Variants in AGPAT5 observed in about 807,000 individuals in gnomAD.
The protein encoded by AGPAT5 is 1-acylglycerol-3-phosphate O-acyltransferase 5, also known as 1-acyl-sn-glycerol-3-phosphate acyltransferase epsilon.
A neutral mutation model predicts 45.6 loss-of-function variants in AGPAT5; 46 were observed. That is an observed-to-expected ratio of 1.01 (90% confidence interval 0.80 to 1.29). The LOEUF (loss-of-function observed/expected upper bound fraction) is 1.29. Among genes scored for constraint, AGPAT5 ranks in the 50% most tolerant of loss-of-function variants. The probability of loss-of-function intolerance (pLI) is 0.00; values close to 1 mark genes in which losing one functional copy is unlikely to be tolerated. For synonymous variants in AGPAT5, 272 were observed against 167.0 expected (o/e 1.63, Z -4.85); for missense variants, 673 against 450.7 (o/e 1.49, Z -4.47).
intron 4 of AGPAT5, among the ~76,000 whole-genome samples, chr8:6,733,036 A>C (rs1050799981): frequency 6.6e-5 from 10 of 152,248 alleles, no homozygotes; most frequent in Admixed American, 6.5e-4. Flanking sequence ...CTGTTAGTGC[A>C]AATTTTGAAT....
intron 6 of AGPAT5, among the ~76,000 whole-genome samples, chr8:6,753,804 G>A (rs1437541261): frequency 2.0e-5 from 3 of 152,222 alleles, no homozygotes; most frequent in Non-Finnish European, 4.4e-5. Flanking sequence ...TTTTGCACAT[G>A]TATTATTAAA....
At chr8:6,710,361 C>T (rs937057102) in intron 1 of AGPAT5, among the ~76,000 whole-genome samples, 1 of 152,050 alleles carries the variant, frequency 6.6e-6, no homozygotes, top group Non-Finnish European at 1.5e-5. Context: ...CTAATCATTC[C>T]CCCCACCGTC....
intron 1 of AGPAT5, among the ~76,000 whole-genome samples, chr8:6,712,696 C>T (rs780200612): frequency 1.3e-5 from 2 of 152,112 alleles, no homozygotes; most frequent in Non-Finnish European, 2.9e-5. Context: ...CGTGAGTTAA[C>T]GTGAAACTAG....
chr8:6,727,347 T>G (rs1800722132), intron 2 of AGPAT5, among the ~76,000 whole-genome samples: 1 of 152,082 alleles, frequency 6.6e-6, no homozygotes, highest in Non-Finnish European at 1.5e-5. Context: ...TGTTATTTCT[T>G]CCCCTTATCC....
At chr8:6,713,199 G>T (rs1800211318) in intron 1 of AGPAT5, among the ~76,000 whole-genome samples, 1 of 152,100 alleles carries the variant, frequency 6.6e-6, no homozygotes, top group Non-Finnish European at 1.5e-5. Context: ...TGAATTCCTG[G>T]CCTCAGGTGA....
rs1170135745 is a variant in AGPAT5 at position 6,708,743 on chromosome 8, G to C, written c.75G>C (p.Ala25=). The C allele has an allele frequency of 6.2e-7, 1 of 1,607,744 alleles. No homozygotes were observed. The highest frequency in any genetic ancestry group is 1.3e-5 in the African/African-American group (1 of 75,016). The change falls in exon 1 of 8, where the codon GCG becomes GCC. Residue 25 remains alanine, a synonymous_variant. Transcript: ENST00000285518. The part of the protein sequence containing the change: ...LLPSVVLLGT[A]PTYVLAWGVW... ...CCAGCGTCGTGCTCCTGGGCACGGCGCCCACCTACGTGTTGGCCTGGGGGG... is the reference window on the plus strand; with the variant it reads ...CCAGCGTCGTGCTCCTGGGCACGGCCCCCACCTACGTGTTGGCCTGGGGGG...
intron 1 of AGPAT5, among the ~76,000 whole-genome samples, chr8:6,715,880 G>A (rs1364552183): frequency 2.0e-5 from 3 of 152,182 alleles, no homozygotes; most frequent in Non-Finnish European, 4.4e-5. Flanking sequence ...AACATGGAAT[G>A]TTTAGGGAAA....
At chr8:6,738,139 T>C (rs562814041) in intron 4 of AGPAT5, among the ~76,000 whole-genome samples, 3 of 152,246 alleles carry the variant, frequency 2.0e-5, no homozygotes, top group Admixed American at 2.0e-4. Flanking sequence ...GCAACTTGGC[T>C]GTTTAGTGGA....
chr8:6,749,833 TC>T (rs1218926531), intron 6 of AGPAT5, among the ~76,000 whole-genome samples: 2 of 152,198 alleles, frequency 1.3e-5, no homozygotes, highest in Non-Finnish European at 2.9e-5. Context: ...TTTTATCATG[TC>T]CCCTCCTGTC....
chr8:6,745,579 G>A (rs1801415080), intron 5 of AGPAT5, among the ~76,000 whole-genome samples: 2 of 152,144 alleles, frequency 1.3e-5, no homozygotes, highest in African/African-American at 4.8e-5. Flanking sequence ...ATAAACAATG[G>A]AGTATAATTT....
chr8:6,708,915 G>T, intron 1 of AGPAT5, 28 bp downstream of exon 1: 1 of 1,583,756 alleles, frequency 6.3e-7, no homozygotes. Flanking sequence ...CCCGGGTCTC[G>T]GCGTCCACCC....
chr8:6,738,298 C>G (rs549878756), intron 4 of AGPAT5: 1 of 152,152 alleles, frequency 6.6e-6, no homozygotes, highest in Admixed American at 6.5e-5. Flanking sequence ...GGCCTAATTT[C>G]AATATTGTTG....
chr8:6,708,649 G>C lies in AGPAT5; in HGVS notation c.-20G>C, dbSNP rs200801326. 8 of 1,508,768 alleles carry C rather than the reference G, an allele frequency of 5.3e-6. No homozygotes were observed. In the African/African-American group the frequency reaches 8.6e-5, roughly 16 times the overall value. The allele number at this position is 1,508,768 out of a possible 1,614,324, so 93.5% of individuals were successfully genotyped here. ...CGGGCGGGGAGCGCAGGCGGAGCTC[G>C]CTGCCGCCGAGCTGAGAAGATGCTG... is the stretch of plus-strand genomic sequence containing the variant. On this transcript the variant is annotated 5_prime_UTR_variant, in exon 1 of 8. Coordinates refer to ENST00000285518, the MANE Select transcript of AGPAT5 (RefSeq NM_018361.5).
chr8:6,739,656 A>G (rs1332942024), intron 4 of AGPAT5, among the ~76,000 whole-genome samples: 1 of 152,112 alleles, frequency 6.6e-6, no homozygotes, highest in African/African-American at 2.4e-5. Context: ...TACAAAATAT[A>G]TTCCTTAGGA....
intron 1 of AGPAT5, among the ~76,000 whole-genome samples, chr8:6,711,826 G>A (rs112323718): frequency 6.6e-6 from 1 of 152,132 alleles, no homozygotes; most frequent in Non-Finnish European, 1.5e-5. Context: ...TACAGTCCTT[G>A]CTGCCACCTC....
At chr8:6,734,415 A>G (rs988006790) in intron 4 of AGPAT5, among the ~76,000 whole-genome samples, 1 of 152,018 alleles carries the variant, frequency 6.6e-6, no homozygotes, top group African/African-American at 2.4e-5. Context: ...CATCTCTGCT[A>G]CTGCGTGTTT....
chr8:6,716,484 ATGGG>A (rs1283848818), intron 1 of AGPAT5, among the ~76,000 whole-genome samples: 1 of 151,822 alleles, frequency 6.6e-6, no homozygotes, highest in African/African-American at 2.4e-5. Flanking sequence ...TCACTTGAAC[ATGGG>A]AGGTAGAGGC....
intron 4 of AGPAT5, among the ~76,000 whole-genome samples, chr8:6,733,365 C>A (rs1310738521): frequency 6.6e-6 from 1 of 152,212 alleles, no homozygotes; most frequent in African/African-American, 2.4e-5. Flanking sequence ...CCTCCCCTCA[C>A]CAGGGGTCCT....
chr8:6,712,285 C>A (rs1294296593), intron 1 of AGPAT5, among the ~76,000 whole-genome samples: 4 of 152,102 alleles, frequency 2.6e-5, no homozygotes, highest in African/African-American at 9.7e-5. Flanking sequence ...ATTTTCGGAA[C>A]AAATCTGCAT....
Sources: gnomAD v4.1 joint callset for allele counts (sites outside exome capture counted in the v4.1 genomes callset) on GRCh38, gnomAD v4.1.1 for gene constraint, MANE v1.5 for transcripts, NCBI Gene and HGNC (gene_info 2026-07-23, HGNC 2026-07-21) for gene names.